NFRKB: variants seen among roughly 807,000 people sequenced by gnomAD.
NFRKB encodes nuclear factor related to kappa-B-binding protein.
A neutral mutation model predicts 135.7 loss-of-function variants in NFRKB; 62 were observed. That is an observed-to-expected ratio of 0.46 (90% CI 0.37 to 0.56). The LOEUF is 0.56. Ranked by LOEUF, NFRKB falls within the 20% of genes least tolerant of loss-of-function variation. The probability of loss-of-function intolerance (pLI) is 0.00; values close to 1 mark genes in which losing one functional copy is unlikely to be tolerated. For missense variants in NFRKB, 1,545 were observed against 1,662.0 expected, an observed-to-expected ratio of 0.93 and a Z score of 1.22; for synonymous variants, 678 against 635.6, an observed-to-expected ratio of 1.07 and a Z score of -1.00.
intron 6 of NFRKB, 107 bp from the exon 7 acceptor site, chr11:129,884,953 A>G: frequency 6.5e-7 from 1 of 1,543,776 alleles, no homozygotes; most frequent in Non-Finnish European, 8.9e-7. Flanking sequence ...AACAACATGG[A>G]GGCCAGGGTT....
Position 129,884,794 on chromosome 11 carries a change from C to T in NFRKB, c.693G>A (p.Val231=), listed in dbSNP as rs542949945. 131 of 1,614,196 alleles carry T rather than the reference C, an allele frequency of 8.1e-5. No individual in the cohort carries two copies. The highest frequency in any genetic ancestry group is 6.5e-4 in the South Asian group (59 of 91,082). The change falls in exon 7 of 27, where the codon GTG becomes GTA. Residue 231 remains valine, a synonymous_variant. Transcript: ENST00000682444. Reference sequence around the variant, plus strand: ...AAAGTGTGGGCACCACCCGCAGGGGCACCGCAGGACTAGGAGAACGTGCTG... The same window carrying T: ...AAAGTGTGGGCACCACCCGCAGGGGTACCGCAGGACTAGGAGAACGTGCTG... The part of the protein sequence containing the change: ...SSPARSPSPA[V]PLRVVPTLST...
At chr11:129,873,532 C>T (rs893131498) in intron 22 of NFRKB, among the ~76,000 whole-genome samples, 3 of 152,244 alleles carry the variant, frequency 2.0e-5, no homozygotes, top group Admixed American at 6.5e-5. Context: ...AACCACCAGA[C>T]TGCTCTGAAG....
At chr11:129,878,406 A>C in intron 14 of NFRKB, 51 bp from the exon 15 acceptor site, 3 of 1,613,408 alleles carry the variant, frequency 1.9e-6, no homozygotes, top group Non-Finnish European at 2.5e-6. Context: ...AATTTGGGCA[A>C]ACTTAAGAGC....
At position 129,870,169 on chromosome 11, in the gene NFRKB, T is replaced by C. The variant is rs1183896488; in HGVS notation, c.2856A>G (p.Val952=). ...TGATGGAAGAGGGCGGCAGACGCAATACATCCTTACCCTGGATGCGGAAGT... is the reference window on the plus strand; with the variant it reads ...TGATGGAAGAGGGCGGCAGACGCAACACATCCTTACCCTGGATGCGGAAGT... ...ATNFRIQGKD[V]LRLPPSSITT... is the part of the protein sequence containing the mutation. The change falls in exon 24 of 27, where the codon GTA becomes GTG. Residue 952 remains valine (V), a synonymous_variant. Transcript: ENST00000682444. 2 of 1,614,158 alleles carry C rather than the reference T, an allele frequency of 1.2e-6. No individual in the cohort carries two copies. Among genetic ancestry groups the C allele is most frequent in the South Asian group, 2.2e-5 (2 of 91,088 alleles).
Position 129,875,418 on chromosome 11 carries a change from G to A in NFRKB, c.1793C>T (p.Ala598Val). 6.2e-7 allele frequency: 1 copy of A among 1,612,598 alleles called. No homozygotes were observed. Among genetic ancestry groups the A allele is most frequent in the Non-Finnish European group, 8.5e-7 (1 of 1,179,610 alleles). ...ARLPNGEGTRAEICELLKDSQ... is the reference protein window; with the variant it reads ...ARLPNGEGTRVEICELLKDSQ... ...GTCCTTAAGCAGTTCACAGATCTCT[G>A]CCCGTGTGCCTTCTCCATTAGGCAG... is the stretch of plus-strand genomic sequence containing the variant. The change falls in exon 18 of 27, where the codon GCA becomes GTA. Residue 598 changes from alanine (A) to valine (V), a missense_variant. By Grantham distance (64) the Ala-to-Val change is moderately conservative. Around this residue, in one of 3 missense-constraint regions of NFRKB, gnomAD observed 114 missense variants for 211.0 expected, o/e 0.54. Coordinates refer to ENST00000682444, the MANE Select transcript of NFRKB (RefSeq NM_001143835.2).
At position 129,878,451 on chromosome 11, in the gene NFRKB, TA is replaced by T. The variant is rs776553528; in HGVS notation, c.1464+12del. 32 of 1,613,666 alleles carry T rather than the reference TA, an allele frequency of 2.0e-5. No homozygotes were observed. The South Asian group carries it at 3.5e-4, about 18-fold the overall frequency. On this transcript the variant is annotated intron_variant, in intron 14 of 26. Coordinates refer to ENST00000682444, the MANE Select transcript of NFRKB (RefSeq NM_001143835.2). ...CCAGTGAGAAGGATCTGGTATTTCT[TA>T]AAAAAACATACCTTACAGAAGGCCT...
chr11:129,886,705 G>A (rs1372867606), intron 4 of NFRKB, among the ~76,000 whole-genome samples: 2 of 152,134 alleles, frequency 1.3e-5, no homozygotes, highest in African/African-American at 2.4e-5. Flanking sequence ...ACATGGCATG[G>A]GTCAGAGTGG....
At position 129,888,453 on chromosome 11, in the gene NFRKB, G is replaced by C. The variant is rs1949384393; in HGVS notation, c.337+141C>G. 1.4e-5 allele frequency: 12 copies of C among 833,388 alleles called. No individual in the cohort carries two copies. The South Asian group carries it at 1.7e-4, about 12-fold the overall frequency. The allele number at this position is 833,388 out of a possible 1,614,324, so 51.6% of individuals were successfully genotyped here. A position where few individuals can be genotyped will look rare whatever the true frequency, so the allele number is the denominator to read the frequency against. On this transcript the variant is annotated intron_variant, in intron 4 of 26. Coordinates refer to ENST00000682444, the MANE Select transcript of NFRKB (RefSeq NM_001143835.2). Reference sequence around the variant, plus strand: ...TTTAGAACACAGCCTAGACAGCAAAGTGTTACACAAAACCGCTCTTTGCTG... The same window carrying C: ...TTTAGAACACAGCCTAGACAGCAAACTGTTACACAAAACCGCTCTTTGCTG...
intron 6 of NFRKB, 171 bp from the exon 7 acceptor site, chr11:129,885,017 T>C: frequency 1.1e-6 from 1 of 902,930 alleles, no homozygotes; most frequent in Non-Finnish European, 1.7e-6. Flanking sequence ...TTAGGTCATC[T>C]AACGGCTCTT....
chr11:129,874,735 G>T lies in NFRKB; in HGVS notation c.1978+58C>A. ...CAATGAAAAGAATAATGGAATTGGG[G>T]TAGAAAGTCAGAACGTATCCCCAGT... On this transcript the variant is annotated intron_variant, in intron 19 of 26. Transcript: ENST00000682444. This position sits in a 1 kb window ranked among gnomAD's most constrained non-coding sequence, Gnocchi z 4.5. 6.2e-7 allele frequency: 1 copy of T among 1,613,210 alleles called. No homozygotes were observed. The highest frequency in any genetic ancestry group is 1.1e-5 in the South Asian group (1 of 91,040).
rs1389491315 is a variant in NFRKB, at chr11:129,886,374, G to A, written c.408C>T (p.Leu136=). ...LCFKSQYKRY[L]NSQQQYFHRL... ...GATGGAAATACTGCTGCTGGGAGTT[G>A]AGGTAGCGCTTGTACTGTGACTTGA... The change falls in exon 5 of 27, where the codon CTC becomes CTT. Residue 136 remains leucine (L), a synonymous_variant. Coordinates refer to ENST00000682444, the MANE Select transcript of NFRKB (RefSeq NM_001143835.2). 1 of 1,614,010 alleles carries A rather than the reference G, an allele frequency of 6.2e-7. No homozygotes were observed. The highest frequency in any genetic ancestry group is 8.5e-7 in the Non-Finnish European group (1 of 1,180,034).
Position 129,869,783 on chromosome 11 carries a change from T to C in NFRKB, c.3242A>G (p.Glu1081Gly). The C allele has an allele frequency of 6.2e-7, 1 of 1,614,218 alleles. No individual in the cohort carries two copies. Among genetic ancestry groups the C allele is most frequent in the East Asian group, 2.2e-5 (1 of 44,882 alleles). The change falls in exon 24 of 27, where the codon GAA (glutamate) becomes GGA (glycine). Residue 1081 changes from glutamate (E) to glycine (G), a missense_variant. Transcript: ENST00000682444. ...QKGKSTVASSEAKPAATIRIV... is the reference protein window; with the variant it reads ...QKGKSTVASSGAKPAATIRIV... Reference sequence around the variant, plus strand: ...GCGGATCGTGGCAGCTGGTTTTGCTTCTGAAGAGGCCACTGTGCTTTTTCC... The same window carrying C: ...GCGGATCGTGGCAGCTGGTTTTGCTCCTGAAGAGGCCACTGTGCTTTTTCC...
intron 5 of NFRKB, 30 bp from the exon 6 acceptor site, chr11:129,885,639 C>A: frequency 6.3e-7 from 1 of 1,579,416 alleles, no homozygotes; most frequent in South Asian, 1.1e-5. Context: ...GGGTACAAGT[C>A]ATCATCCAAG....
At position 129,873,832 on chromosome 11, in the gene NFRKB, TCCC is replaced by T; in HGVS notation, c.2460_2462del (p.Gly822del). On this transcript the variant is annotated inframe_deletion, in exon 22 of 27. Transcript: ENST00000682444. ...TCTGTGGCAATGTCTGTGCCGGCCC[TCCC>T]GACTGCTGGGGAACAGCAGGAAGGC... 1 of 1,614,150 alleles carries T rather than the reference TCCC, an allele frequency of 6.2e-7. No individual in the cohort carries two copies. The highest frequency in any genetic ancestry group is 1.1e-5 in the South Asian group (1 of 91,080).
Position 129,892,788 on chromosome 11 carries a change from T to C in NFRKB, c.62A>G (p.His21Arg), listed in dbSNP as rs1285401299. Residue 21 changes from histidine to arginine, a missense_variant, in exon 3 of 27, where the codon CAT becomes CGT. Coordinates refer to ENST00000682444, the MANE Select transcript of NFRKB (RefSeq NM_001143835.2). Reference sequence around the variant, plus strand: ...GCAATCCTCCATGATGCGCGTGCCATGGCCATCTCCACACGGACCAAGTTC... The same window carrying C: ...GCAATCCTCCATGATGCGCGTGCCACGGCCATCTCCACACGGACCAAGTTC... Reference protein sequence around the residue: ...PLELGPCGDGHGTRIMEDCLL... With the variant: ...PLELGPCGDGRGTRIMEDCLL... The C allele has an allele frequency of 2.5e-6, 4 of 1,614,090 alleles. No homozygotes were observed. In the Admixed American group the frequency reaches 5.0e-5, roughly 20 times the overall value.
chr11:129,866,153 A>T (rs148218924), intron 24 of NFRKB, among the ~76,000 whole-genome samples, 170 bp from the exon 25 acceptor site: 128 of 152,264 alleles, frequency 8.4e-4, no homozygotes, highest in African/African-American at 2.9e-3. Flanking sequence ...ACCCTAACGA[A>T]CTACTTATAT....
At chr11:129,884,650 G>A (rs1949185625) in intron 7 of NFRKB, 95 bp downstream of exon 7, 2 of 1,385,546 alleles carry the variant, frequency 1.4e-6, no homozygotes. Flanking sequence ...TTTCCTGGTA[G>A]GTAGGAATCT....
intron 24 of NFRKB, 121 bp from the exon 25 acceptor site, chr11:129,866,104 C>CTGGTGGGT: frequency 3.9e-6 from 3 of 766,264 alleles, no homozygotes; most frequent in Non-Finnish European, 6.1e-6. Context: ...CCCCAGTACC[C>CTGGTGGGT]ACCAGGGTCT....
chr11:129,873,724 G>T, intron 22 of NFRKB, 21 bp downstream of exon 22: 2 of 1,604,970 alleles, frequency 1.2e-6, no homozygotes, highest in South Asian at 2.2e-5. Context: ...GCTTCCCAAT[G>T]ACCACGGCTT....
Sources: allele counts gnomAD v4.1 joint callset (sites outside exome capture counted in the v4.1 genomes callset), GRCh38; gene constraint gnomAD v4.1.1; regional missense constraint gnomAD v4.1.1; non-coding constraint Gnocchi (gnomAD v3.1); transcripts MANE v1.5; gene names NCBI Gene and HGNC (gene_info 2026-07-23, HGNC 2026-07-21).